RIN2: variants seen among roughly 807,000 people sequenced by gnomAD.
RIN2 encodes the protein RAB5 interacting protein 2.
Under a neutral mutation model 78.0 loss-of-function variants are expected in RIN2, and 36 were observed. The ratio of observed to expected loss-of-function variants is 0.46; its 90% confidence interval spans 0.35 to 0.61. The LOEUF is 0.61. RIN2 is among the 20% of genes least tolerant of loss of function. RIN2 has a pLI of 0.00. For synonymous variants in RIN2, 466 were observed against 466.8 expected (o/e 1.00, Z 0.02); for missense variants, 1,087 against 1,159.7 (o/e 0.94, Z 0.91).
intron 2 of RIN2, among the ~76,000 whole-genome samples, chr20:19,833,385 G>T (rs2036309550): frequency 6.6e-6 from 1 of 151,894 alleles, no homozygotes; most frequent in African/African-American, 2.4e-5. Context: ...TGAACGTATT[G>T]ACTCATCCTT....
At chr20:19,889,130 G>A (rs2038325969) in intron 2 of RIN2, 1 of 985,330 alleles carries the variant, frequency 1.0e-6, no homozygotes, top group Non-Finnish European at 1.2e-6. Context: ...GCAGAGCTAA[G>A]GATGACCTCA....
chr20:19,774,446 A>G (rs1412215040), intron 1 of RIN2, among the ~76,000 whole-genome samples: 1 of 152,234 alleles, frequency 6.6e-6, no homozygotes. Context: ...AAGCGGGAAA[A>G]AGATCAAGAG....
At chr20:19,883,672 G>A (rs144652720) in intron 2 of RIN2, among the ~76,000 whole-genome samples, 171 of 152,178 alleles carry the variant, frequency 1.1e-3, no homozygotes, top group Middle Eastern at 0.01. Flanking sequence ...ACCAGCAGAG[G>A]AGCCCACCTG....
chr20:19,924,448 T>TCACCTTCATACCCTCACCTTCATACCC (rs1442813201), intron 3 of RIN2, among the ~76,000 whole-genome samples: 1 of 2,626 alleles, frequency 3.8e-4, no homozygotes, highest in African/African-American at 1.6e-3. Flanking sequence ...CTTCATACCC[T>TCACCTTCATACCCTCACCTTCATACCC]CACCTTCATA....
chr20:19,894,304 G>A (rs1432799041), intron 3 of RIN2, among the ~76,000 whole-genome samples: 1 of 151,968 alleles, frequency 6.6e-6, no homozygotes, highest in Non-Finnish European at 1.5e-5. Context: ...TTTGATCCCC[G>A]CTTTCCCTGA....
At chr20:19,783,349 T>G (rs1416054586) in intron 1 of RIN2, among the ~76,000 whole-genome samples, 2 of 152,230 alleles carry the variant, frequency 1.3e-5, no homozygotes, top group African/African-American at 4.8e-5. Context: ...ACTGCCCCTT[T>G]GAGTCTCAGC....
At chr20:19,765,854 G>A (rs985732308) in intron 1 of RIN2, among the ~76,000 whole-genome samples, 9 of 152,038 alleles carry the variant, frequency 5.9e-5, no homozygotes, top group Admixed American at 2.6e-4. Flanking sequence ...GAAGGAAGGT[G>A]ACTTCATCCT....
chr20:19,783,698 G>A (rs142876150), intron 1 of RIN2, among the ~76,000 whole-genome samples: 231 of 152,282 alleles, frequency 1.5e-3, no homozygotes, highest in African/African-American at 5.3e-3. Context: ...AATATGGAGT[G>A]TATTATCAAT....
At chr20:19,965,708 A>C (rs1161088085) in intron 7 of RIN2, among the ~76,000 whole-genome samples, 1 of 152,058 alleles carries the variant, frequency 6.6e-6, no homozygotes, top group African/African-American at 2.4e-5. Context: ...GCCTCCTGGG[A>C]TCAAGCAATT....
intron 1 of RIN2, among the ~76,000 whole-genome samples, chr20:19,798,035 T>G (rs1310514945): frequency 6.6e-6 from 1 of 151,084 alleles, no homozygotes; most frequent in Non-Finnish European, 1.5e-5. Flanking sequence ...GTATTTTCAG[T>G]AGAGATGGGG....
intron 2 of RIN2, among the ~76,000 whole-genome samples, chr20:19,855,660 G>T (rs543682903): frequency 5.0e-4 from 76 of 152,216 alleles, no homozygotes; most frequent in African/African-American, 1.8e-3. Flanking sequence ...ACCATTTAAG[G>T]AGCATTTAAG....
intron 2 of RIN2, among the ~76,000 whole-genome samples, chr20:19,870,483 C>T (rs2037657652): frequency 6.6e-6 from 1 of 152,090 alleles, no homozygotes; most frequent in Admixed American, 6.6e-5. Flanking sequence ...CCCATCTCTA[C>T]TAAAAATACA....
intron 6 of RIN2, 39 bp downstream of exon 6, chr20:19,960,850 G>A: frequency 7.8e-7 from 1 of 1,288,020 alleles, no homozygotes; most frequent in Non-Finnish European, 1.1e-6. Context: ...GACTGACAGG[G>A]CCACGGGGCT....
intron 2 of RIN2, among the ~76,000 whole-genome samples, chr20:19,859,413 G>C (rs1196169797): frequency 2.0e-5 from 3 of 152,112 alleles, no homozygotes; most frequent in Admixed American, 2.0e-4. Flanking sequence ...TTGACTAGAG[G>C]GTCAAATAGG....
Position 20,000,912 on chromosome 20 carries a change from GGAA to G in RIN2, c.2670_2672del (p.Glu890del), listed in dbSNP as rs750137166. 2 of 1,612,202 alleles carry G rather than the reference GGAA, an allele frequency of 1.2e-6. No individual in the cohort carries two copies. Among genetic ancestry groups the G allele is most frequent in the East Asian group, 2.2e-5 (1 of 44,882 alleles). On this transcript the variant is annotated inframe_deletion, in exon 13 of 13. Transcript: ENST00000255006. Reference sequence around the variant, plus strand: ...CTTATGGCATCATTTTCCAGAACGGGGAAGAAGACCTCACCACCTCCTAGAAGA... The same window carrying G: ...CTTATGGCATCATTTTCCAGAACGGGGAAGACCTCACCACCTCCTAGAAGA...
chr20:19,864,587 A>G (rs2037441966), intron 2 of RIN2, among the ~76,000 whole-genome samples: 1 of 152,222 alleles, frequency 6.6e-6, no homozygotes, highest in African/African-American at 2.4e-5. Flanking sequence ...ATGATCATTT[A>G]AAAGTTTAAA....
intron 3 of RIN2, among the ~76,000 whole-genome samples, chr20:19,908,984 C>G (rs976225330): frequency 6.6e-6 from 1 of 152,186 alleles, no homozygotes; most frequent in African/African-American, 2.4e-5. Context: ...CCTGCCTCAG[C>G]CTCCCAAGTA....
chr20:19,817,233 C>T (rs1448211608), intron 2 of RIN2, among the ~76,000 whole-genome samples: 1 of 152,188 alleles, frequency 6.6e-6, no homozygotes, highest in African/African-American at 2.4e-5. Flanking sequence ...AATTTATAAA[C>T]AATAGAAATG....
At chr20:19,983,882 AT>A (rs1352511040) in intron 9 of RIN2, among the ~76,000 whole-genome samples, 2 of 123,226 alleles carry the variant, frequency 1.6e-5, no homozygotes, top group Non-Finnish European at 3.1e-5. Context: ...TAACCTGTAC[AT>A]TTTTTGTTTA....
Sources: gnomAD v4.1 joint callset for allele counts (sites outside exome capture counted in the v4.1 genomes callset) on GRCh38, gnomAD v4.1.1 for gene constraint, MANE v1.5 for transcripts, NCBI Gene and HGNC (gene_info 2026-07-23, HGNC 2026-07-21) for gene names.